The following SNTG1 variants were observed in gnomAD, a reference collection of about 807,000 sequenced individuals.
The protein encoded by SNTG1 is gamma-1-syntrophin.
In SNTG1, 39 loss-of-function variants were observed where a neutral mutation model predicts 74.7. That is an observed-to-expected ratio of 0.52 (90% CI 0.40 to 0.68). The LOEUF (loss-of-function observed/expected upper bound fraction) is 0.68, where lower values mean the gene tolerates loss of function less well. SNTG1 is among the 30% of genes least tolerant of loss of function. The pLI is 0.00. For missense variants in SNTG1, 685 were observed against 609.5 expected (o/e 1.12, Z -1.30); for synonymous variants, 254 against 217.1 (o/e 1.17, Z -1.49).
intron 2 of SNTG1, among the ~76,000 whole-genome samples, chr8:50,376,032 AT>A (rs2092371775): frequency 1.2e-5 from 1 of 84,828 alleles, no homozygotes; most frequent in Non-Finnish European, 2.5e-5. Context: ...AAGTCTAAAG[AT>A]ATTTCCAGTG....
At chr8:50,717,150 A>G (rs1399245083) in intron 17 of SNTG1, among the ~76,000 whole-genome samples, 1 of 152,162 alleles carries the variant, frequency 6.6e-6, no homozygotes, top group Non-Finnish European at 1.5e-5. Flanking sequence ...AAAGATTCAA[A>G]AGGTCTTTGG....
At chr8:50,771,540 T>A (rs1262802771) in intron 18 of SNTG1, among the ~76,000 whole-genome samples, 1 of 152,150 alleles carries the variant, frequency 6.6e-6, no homozygotes, top group African/African-American at 2.4e-5. Flanking sequence ...GTAAAGATTT[T>A]AAAAATTTGC....
intron 1 of SNTG1, among the ~76,000 whole-genome samples, chr8:49,973,816 C>T (rs540010930): frequency 2.3e-3 from 345 of 152,208 alleles, no homozygotes; most frequent in Non-Finnish European, 3.7e-3. Context: ...AATTTGGATA[C>T]CATTTGATAA....
At chr8:50,190,085 G>T (rs2083512613) in intron 2 of SNTG1, among the ~76,000 whole-genome samples, 1 of 152,136 alleles carries the variant, frequency 6.6e-6, no homozygotes, top group Admixed American at 6.6e-5. Flanking sequence ...AAACAAGCAT[G>T]TACTGAATAC....
At chr8:50,719,110 TATC>T (rs1375087117) in intron 17 of SNTG1, among the ~76,000 whole-genome samples, 2 of 152,226 alleles carry the variant, frequency 1.3e-5, no homozygotes, top group African/African-American at 2.4e-5. Context: ...GATTGAATTT[TATC>T]ATGTTTGCAG....
At chr8:50,719,949 A>T (rs1265051191) in intron 17 of SNTG1, among the ~76,000 whole-genome samples, 1 of 151,956 alleles carries the variant, frequency 6.6e-6, no homozygotes, top group East Asian at 1.9e-4. Context: ...GATGAAATAT[A>T]TTTTTTTTAT....
chr8:50,079,754 G>A (rs1191000637), intron 1 of SNTG1, among the ~76,000 whole-genome samples: 1 of 152,142 alleles, frequency 6.6e-6, no homozygotes, highest in Non-Finnish European at 1.5e-5. Flanking sequence ...GTATAAGAAA[G>A]GGGTCCAGTT....
chr8:50,588,181 T>C (rs1009923741), intron 12 of SNTG1, among the ~76,000 whole-genome samples: 1 of 152,190 alleles, frequency 6.6e-6, no homozygotes, highest in African/African-American at 2.4e-5. Flanking sequence ...GTTATTGTTT[T>C]ATTTTAAAAT....
At chr8:49,949,558 T>C (rs1316068090) in intron 1 of SNTG1, among the ~76,000 whole-genome samples, 1 of 152,232 alleles carries the variant, frequency 6.6e-6, no homozygotes, top group Non-Finnish European at 1.5e-5. Flanking sequence ...GGCCTTCATG[T>C]AGCTCATTGT....
chr8:50,772,190 G>A (rs146373422), intron 18 of SNTG1, among the ~76,000 whole-genome samples: 1 of 152,138 alleles, frequency 6.6e-6, no homozygotes, highest in East Asian at 2.0e-4. Context: ...AAAACTACAG[G>A]AACCAAACTT....
At chr8:50,342,606 T>C (rs958078102) in intron 2 of SNTG1, among the ~76,000 whole-genome samples, 2 of 152,204 alleles carry the variant, frequency 1.3e-5, no homozygotes, top group Admixed American at 1.3e-4. Flanking sequence ...GACTCAATCA[T>C]GTTACATTCT....
intron 4 of SNTG1, among the ~76,000 whole-genome samples, chr8:50,421,447 G>A (rs2093086041): frequency 6.6e-6 from 1 of 152,060 alleles, no homozygotes; most frequent in South Asian, 2.1e-4. Context: ...GTAGCAGTGA[G>A]GAACACCAGA....
chr8:50,567,001 C>T (rs2094519765), intron 12 of SNTG1, among the ~76,000 whole-genome samples: 1 of 152,000 alleles, frequency 6.6e-6, no homozygotes, highest in Admixed American at 6.6e-5. Context: ...ATCCATAAAC[C>T]ATCAATAAAT....
intron 11 of SNTG1, among the ~76,000 whole-genome samples, chr8:50,542,160 T>G (rs536239192): frequency 1.4e-4 from 19 of 137,238 alleles, no homozygotes; most frequent in Admixed American, 1.2e-3. Flanking sequence ...TTTCTTTCTG[T>G]TTTTTTTTTT....
intron 2 of SNTG1, among the ~76,000 whole-genome samples, chr8:50,378,670 C>T (rs1483014341): frequency 6.6e-6 from 1 of 151,966 alleles, no homozygotes; most frequent in East Asian, 1.9e-4. Flanking sequence ...TAGCTCCTCT[C>T]TGCTAGGCAA....
At chr8:50,575,397 T>C (rs2094571278) in intron 12 of SNTG1, among the ~76,000 whole-genome samples, 1 of 152,164 alleles carries the variant, frequency 6.6e-6, no homozygotes. Flanking sequence ...GTAATAACAG[T>C]GTGAGAATAA....
chr8:50,058,100 A>G (rs928412521), intron 1 of SNTG1, among the ~76,000 whole-genome samples: 1 of 152,144 alleles, frequency 6.6e-6, no homozygotes, highest in African/African-American at 2.4e-5. Flanking sequence ...AGTCTGAAAG[A>G]GATCTTTGAG....
At position 49,942,501 on chromosome 8, in the gene SNTG1, TTTAAG is replaced by T. The variant is rs201235899; in HGVS notation, c.-103+30273_-103+30277del. Among the ~76,000 whole-genome samples, 1,310 of 152,272 alleles carry T rather than the reference TTTAAG, an allele frequency of 8.6e-3. 24 individuals carry two copies. Among genetic ancestry groups the T allele is most frequent in the African/African-American group, 0.03 (1,239 of 41,544 alleles). ...TTTTTTTACTACAGTTCCTACTTAATTTAAGTTTTCTTAGTTTTTATCTGCTGTTC... is the reference window on the plus strand; with the variant it reads ...TTTTTTTACTACAGTTCCTACTTAATTTTTCTTAGTTTTTATCTGCTGTTC... On this transcript the variant is annotated intron_variant, in intron 1 of 18. Transcript: ENST00000642720.
At chr8:50,399,278 C>G (rs568051566) in intron 3 of SNTG1, among the ~76,000 whole-genome samples, 24 of 152,166 alleles carry the variant, frequency 1.6e-4, no homozygotes, top group African/African-American at 5.5e-4. Flanking sequence ...TTATTTTCTG[C>G]AACTCTTGTC....
Sources: gnomAD v4.1 joint callset for allele counts (sites outside exome capture counted in the v4.1 genomes callset) on GRCh38, gnomAD v4.1.1 for gene constraint, MANE v1.5 for transcripts, NCBI Gene and HGNC (gene_info 2026-07-23, HGNC 2026-07-21) for gene names.